The following INPP4B variants were observed in gnomAD, a reference collection of about 807,000 sequenced individuals.
INPP4B encodes the protein inositol polyphosphate-4-phosphatase type II B.
Under a neutral mutation model 122.5 loss-of-function variants are expected in INPP4B, and 55 were observed. That is an observed-to-expected ratio of 0.45 (90% CI 0.36 to 0.56). INPP4B has a LOEUF of 0.56. Among genes scored for constraint, INPP4B ranks in the 20% least tolerant of loss-of-function variants. The probability of loss-of-function intolerance (pLI) is 0.00; values close to 1 mark genes in which losing one functional copy is unlikely to be tolerated. For synonymous variants in INPP4B, 403 were observed against 388.7 expected, an observed-to-expected ratio of 1.04 and a Z score of -0.43; for missense variants, 1,000 against 1,097.7, an observed-to-expected ratio of 0.91 and a Z score of 1.26.
At chr4:142,237,241 A>G (rs1484791063) in intron 12 of INPP4B, among the ~76,000 whole-genome samples, 3 of 152,314 alleles carry the variant, frequency 2.0e-5, no homozygotes, top group South Asian at 4.1e-4. Context: ...AATAGGAATT[A>G]CTTCCAGAAA....
intron 2 of INPP4B, among the ~76,000 whole-genome samples, chr4:142,659,602 C>G (rs562532148): frequency 3.9e-5 from 6 of 152,112 alleles, no homozygotes; most frequent in African/African-American, 1.4e-4. Context: ...ATGTAGAAAT[C>G]CTGATAAATA....
rs547693224 is a variant in INPP4B at position 142,470,144 on chromosome 4, G to T, written c.-190-7418C>A. On this transcript the variant is annotated intron_variant, in intron 2 of 25. Transcript: ENST00000262992. Reference sequence around the variant, plus strand: ...TGCTAGAAGAAATTATAAAGAAAACGCATAGCAGATTGGGCTACATAAAAA... The same window carrying T: ...TGCTAGAAGAAATTATAAAGAAAACTCATAGCAGATTGGGCTACATAAAAA... Among the ~76,000 whole-genome samples, 13 of 151,596 alleles carry T rather than the reference G, an allele frequency of 8.6e-5. 1 individual carries two copies. Among genetic ancestry groups the T allele is most frequent in the African/African-American group, 3.1e-4 (13 of 41,304 alleles).
intron 17 of INPP4B, among the ~76,000 whole-genome samples, chr4:142,157,125 A>G (rs1817639014): frequency 1.3e-5 from 2 of 152,138 alleles, no homozygotes; most frequent in South Asian, 4.1e-4. Flanking sequence ...AACTAATTAA[A>G]AAAGGGAGTA....
chr4:142,078,909 C>T (rs550340102), intron 25 of INPP4B, among the ~76,000 whole-genome samples: 1 of 152,032 alleles, frequency 6.6e-6, no homozygotes, highest in African/African-American at 2.4e-5. Flanking sequence ...TTAAAAGTTG[C>T]AGTAAATTCA....
chr4:142,287,429 G>C (rs1754266460), intron 9 of INPP4B: 2 of 152,104 alleles, frequency 1.3e-5, no homozygotes, highest in African/African-American at 4.8e-5. Flanking sequence ...TTTTCTATAG[G>C]CATAACAGTC....
At chr4:142,751,757 G>A (rs773149977) in intron 1 of INPP4B, among the ~76,000 whole-genome samples, 13 of 152,076 alleles carry the variant, frequency 8.5e-5, no homozygotes, top group East Asian at 5.8e-4. Context: ...ACAGTGATGC[G>A]ATAGACACGA....
intron 7 of INPP4B, among the ~76,000 whole-genome samples, chr4:142,335,150 T>G (rs982522222): frequency 7.2e-6 from 1 of 139,584 alleles, no homozygotes; most frequent in African/African-American, 2.7e-5. Context: ...TATCCACAAA[T>G]TCCCAAAGCA....
At position 142,783,357 on chromosome 4, in the gene INPP4B, C is replaced by T. The variant is rs192928367; in HGVS notation, c.-253-57456G>A. Among the ~76,000 whole-genome samples the T allele has an allele frequency of 6.6e-5, 10 of 152,142 alleles. 1 individual carries two copies. The highest frequency in any genetic ancestry group is 3.9e-4 in the Admixed American group (6 of 15,266). ...ACCCCTTCAAAAAGTGGGCAAAGGACATGAACAGACACTTCTCAAAAGAAG... is the reference window on the plus strand; with the variant it reads ...ACCCCTTCAAAAAGTGGGCAAAGGATATGAACAGACACTTCTCAAAAGAAG... On this transcript the variant is annotated intron_variant, in intron 1 of 25. Coordinates refer to ENST00000262992, the MANE Select transcript of INPP4B (RefSeq NM_001101669.3).
intron 2 of INPP4B, among the ~76,000 whole-genome samples, chr4:142,518,114 T>C (rs1825636996): frequency 6.6e-6 from 1 of 152,166 alleles, no homozygotes; most frequent in Non-Finnish European, 1.5e-5. Context: ...AATGAATCCA[T>C]AATATATTGA....
At chr4:142,213,857 C>T (rs1845891111) in intron 12 of INPP4B, among the ~76,000 whole-genome samples, 1 of 152,128 alleles carries the variant, frequency 6.6e-6, no homozygotes, top group Admixed American at 6.5e-5. Flanking sequence ...CATTTTTATA[C>T]CAGTGCAAGT....
rs1168395240 is a variant in INPP4B at position 142,394,951 on chromosome 4, T to C, written c.372+7987A>G. Among the ~76,000 whole-genome samples, 8 of 152,350 alleles carry C rather than the reference T, an allele frequency of 5.3e-5. No homozygotes were observed. In the South Asian group the frequency reaches 1.0e-3, roughly 20 times the overall value. On this transcript the variant is annotated intron_variant, in intron 7 of 25. Coordinates refer to ENST00000262992, the MANE Select transcript of INPP4B (RefSeq NM_001101669.3). ...CTTTTAGTTTCATGACCAAAGTTTA[T>C]TTTTTAAGAAATTCATAATTAAACT...
At chr4:142,744,983 T>C (rs568418389) in intron 1 of INPP4B, among the ~76,000 whole-genome samples, 2 of 149,072 alleles carry the variant, frequency 1.3e-5, no homozygotes. Flanking sequence ...AGGGACAAGC[T>C]AACGGAATTT....
At chr4:142,281,669 A>G (rs979606275) in intron 9 of INPP4B, among the ~76,000 whole-genome samples, 5 of 152,004 alleles carry the variant, frequency 3.3e-5, no homozygotes. Context: ...TTTAGAGTGT[A>G]ATGTATTTCA....
chr4:142,645,056 T>A (rs918673867), intron 2 of INPP4B, among the ~76,000 whole-genome samples: 3 of 152,144 alleles, frequency 2.0e-5, no homozygotes, highest in African/African-American at 7.2e-5. Flanking sequence ...TTGTTGACAG[T>A]GTATGCTACT....
At chr4:142,134,711 C>A (rs1173525309) in intron 18 of INPP4B, among the ~76,000 whole-genome samples, 1 of 145,962 alleles carries the variant, frequency 6.9e-6, no homozygotes. Flanking sequence ...GTGGGAGAAT[C>A]ACTTGAACCT....
At chr4:142,189,128 G>T (rs1426453326) in intron 15 of INPP4B, among the ~76,000 whole-genome samples, 1 of 152,108 alleles carries the variant, frequency 6.6e-6, no homozygotes, top group Non-Finnish European at 1.5e-5. Flanking sequence ...AAACTTCTCA[G>T]TCCCAGAGTT....
chr4:142,431,189 G>A lies in INPP4B; in HGVS notation c.71C>T (p.Pro24Leu), dbSNP rs1809230043. 6.2e-7 allele frequency: 1 copy of A among 1,612,990 alleles called. No homozygotes were observed. The highest frequency in any genetic ancestry group is 1.3e-5 in the African/African-American group (1 of 74,966). ...HFLPTAQAND[P>L]GDCQFTSIQK... ...CTTACTTGTGAACTGACAGTCCCCG[G>A]GATCATTGGCCTGGGCTGTAGGAAG... The change falls in exon 4 of 26, where the codon CCC (proline) becomes CTC (leucine). Residue 24 changes from proline to leucine, a missense_variant. Pro to Leu is a moderately conservative substitution (Grantham distance 98, BLOSUM62 -3). Coordinates refer to ENST00000262992, the MANE Select transcript of INPP4B (RefSeq NM_001101669.3).
chr4:142,023,186 CAA>C lies in INPP4B; in HGVS notation c.*5594_*5595del, dbSNP rs1289165608. The C allele has an allele frequency of 6.6e-6, 1 of 151,910 alleles. No homozygotes were observed. The highest frequency in any genetic ancestry group is 2.4e-5 in the African/African-American group (1 of 41,352). The allele number at this position is 151,910 out of a possible 1,614,324, so 9.4% of individuals were successfully genotyped here. On this transcript the variant is annotated 3_prime_UTR_variant, in exon 26 of 26. Coordinates refer to ENST00000262992, the MANE Select transcript of INPP4B (RefSeq NM_001101669.3). ...AAAAAATAAAAATCATTTATTTAAA[CAA>C]AAATATACACACAGTGTACAATGAA...
At chr4:142,141,914 A>G (rs967793564) in intron 18 of INPP4B, among the ~76,000 whole-genome samples, 9 of 152,262 alleles carry the variant, frequency 5.9e-5, no homozygotes, top group African/African-American at 1.7e-4. Context: ...TTTACTCCAA[A>G]TTTAGAAATG....
Sources: gnomAD v4.1 joint callset for allele counts (sites outside exome capture counted in the v4.1 genomes callset) on GRCh38, gnomAD v4.1.1 for gene constraint, MANE v1.5 for transcripts, NCBI Gene and HGNC (gene_info 2026-07-23, HGNC 2026-07-21) for gene names.